The following TRIM29 variants were observed in gnomAD, a reference collection of about 807,000 sequenced individuals.
TRIM29 encodes the protein tripartite motif-containing protein 29.
A neutral mutation model predicts 57.3 loss-of-function variants in TRIM29; 52 were observed. The observed-to-expected ratio is 0.91, with a 90% CI of 0.73 to 1.14. The LOEUF (loss-of-function observed/expected upper bound fraction) is 1.14. TRIM29 is among the 50% of genes most tolerant of loss of function. The probability of loss-of-function intolerance (pLI) is 0.00; values close to 1 mark genes in which losing one functional copy is unlikely to be tolerated. For synonymous variants in TRIM29, 319 were observed against 316.9 expected, an observed-to-expected ratio of 1.01 and a Z score of -0.07; for missense variants, 753 against 774.6, an observed-to-expected ratio of 0.97 and a Z score of 0.33.
chr11:120,120,963 G>A (rs1863430310), intron 5 of TRIM29: 7 of 452,672 alleles, frequency 1.5e-5, no homozygotes, highest in Middle Eastern at 6.6e-4. Flanking sequence ...CCTCCTGGAA[G>A]TGGCCTAATG....
chr11:120,126,044 G>T, intron 3 of TRIM29, 155 bp from the exon 4 acceptor site: 3 of 771,866 alleles, frequency 3.9e-6, no homozygotes, highest in East Asian at 2.7e-5. Context: ...ACATGAAAAG[G>T]TTCAACTAAA....
chr11:120,123,658 G>C, intron 4 of TRIM29: 1 of 352,628 alleles, frequency 2.8e-6, no homozygotes, highest in Non-Finnish European at 5.6e-6. Flanking sequence ...TCTGCTGCTC[G>C]ACACTTGACT....
rs371944006 is a variant in TRIM29, at chr11:120,137,569, G to A, written c.463C>T (p.Arg155Trp). ...PGETRRNSYP[R>W]ADTGLFSRSK... ...CGTGAAAAAAGGCCCGTGTCGGCCCGGGGGTAGCTGTTCCGCCGGGTCTCC... is the reference window on the plus strand; with the variant it reads ...CGTGAAAAAAGGCCCGTGTCGGCCCAGGGGTAGCTGTTCCGCCGGGTCTCC... The change falls in exon 1 of 9, where the codon CGG (arginine) becomes TGG (tryptophan). Residue 155 changes from arginine to tryptophan, a missense_variant. Arg to Trp is a moderately radical substitution (Grantham distance 101). Transcript: ENST00000341846. This position sits in a 1 kb window ranked among gnomAD's most constrained non-coding sequence, Gnocchi z 6.2. 99 of 1,611,956 alleles carry A rather than the reference G, an allele frequency of 6.1e-5. No individual in the cohort carries two copies. The highest frequency in any genetic ancestry group is 9.3e-5 in the African/African-American group (7 of 74,908).
intron 7 of TRIM29, 28 bp downstream of exon 7, chr11:120,118,195 A>C: frequency 6.2e-7 from 1 of 1,601,730 alleles, no homozygotes; most frequent in Non-Finnish European, 8.5e-7. Flanking sequence ...CTGTGGAGGA[A>C]AGCAGGGGCC....
intron 7 of TRIM29, chr11:120,117,919 G>C (rs950663006): frequency 5.1e-5 from 20 of 392,380 alleles, no homozygotes; most frequent in Non-Finnish European, 7.0e-5. Context: ...GAGGATCAGA[G>C]AGGTCGAGTG....
intron 1 of TRIM29, among the ~76,000 whole-genome samples, chr11:120,136,767 A>G (rs1863821385): frequency 6.8e-6 from 1 of 147,398 alleles, no homozygotes; most frequent in South Asian, 2.2e-4. Flanking sequence ...CTCAGGTTGG[A>G]GGAATTATCT....
Position 120,137,365 on chromosome 11 carries a change from G to C in TRIM29, c.667C>G (p.Arg223Gly). 6.2e-7 allele frequency: 1 copy of C among 1,613,756 alleles called. No individual in the cohort carries two copies. Among genetic ancestry groups the C allele is most frequent in the Non-Finnish European group, 8.5e-7 (1 of 1,180,022 alleles). The stretch of plus-strand genomic sequence containing the variant: ...GTCTTGCCATGCACGGGACACTTGC[G>C]GGCCTCAAAGTCCCGGATGGGCTCG... ...LLEPIRDFEA[R>G]KCPVHGKTME... The change falls in exon 1 of 9, where the codon CGC becomes GGC. Residue 223 changes from arginine to glycine, a missense_variant. Transcript: ENST00000341846. The surrounding 1 kb of genome is among the most constrained non-coding windows in gnomAD (Gnocchi z 6.2).
rs1426450699 is a variant in TRIM29, at chr11:120,117,719, C to T, written c.1627+504G>A. On this transcript the variant is annotated intron_variant, in intron 7 of 8. Coordinates refer to ENST00000341846, the MANE Select transcript of TRIM29 (RefSeq NM_012101.4). ...GAGTGCTGGGAGCACCACAGGCAGGCGGGGGACAGAGTGCAGGAAAAGAGG... is the reference window on the plus strand; with the variant it reads ...GAGTGCTGGGAGCACCACAGGCAGGTGGGGGACAGAGTGCAGGAAAAGAGG... 9 of 165,658 alleles carry T rather than the reference C, an allele frequency of 5.4e-5. 1 individual carries two copies. The highest frequency in any genetic ancestry group is 7.9e-5 in the Non-Finnish European group (6 of 76,130). 10.3% of individuals were successfully genotyped at this position (165,658 alleles called of 1,614,324 possible).
intron 1 of TRIM29, among the ~76,000 whole-genome samples, chr11:120,133,042 C>A (rs1475535505): frequency 6.6e-6 from 1 of 152,164 alleles, no homozygotes; most frequent in Non-Finnish European, 1.5e-5. Flanking sequence ...GGGACGCAGG[C>A]ACAGTGGGAA....
intron 8 of TRIM29, among the ~76,000 whole-genome samples, chr11:120,114,474 T>G (rs528182243): frequency 6.6e-6 from 1 of 152,160 alleles, no homozygotes; most frequent in African/African-American, 2.4e-5. Context: ...GACCTCCAAT[T>G]GCAAGGACAG....
At chr11:120,120,887 A>T (rs1239730976) in intron 5 of TRIM29, 14 of 645,916 alleles carry the variant, frequency 2.2e-5, no homozygotes, top group African/African-American at 2.1e-4. Context: ...CATCAGCATA[A>T]ACTTGGAGAG....
intron 4 of TRIM29, 173 bp downstream of exon 4, chr11:120,125,518 G>A: frequency 1.5e-6 from 1 of 656,904 alleles, no homozygotes; most frequent in Middle Eastern, 4.2e-4. Flanking sequence ...GTTCAAAGGA[G>A]GAGGAGGGTT....
intron 4 of TRIM29, chr11:120,123,680 C>T (rs1863516335): frequency 2.8e-6 from 1 of 351,010 alleles, no homozygotes; most frequent in Non-Finnish European, 5.6e-6. Flanking sequence ...CCCTCAGCCA[C>T]CTCCACCCCA....
rs1054228256 is a variant in TRIM29 at position 120,125,821 on chromosome 11, C to A, written c.1203G>T (p.Glu401Asp). ...CTAGTGACTGTCCCAGGCCCTCCCC[C>A]TCCAGCAGGACATGATAGGTGGGCA... is the stretch of plus-strand genomic sequence containing the variant. Reference protein sequence around the residue: ...PPLPTYHVLLEGEGLGQSLGN... With the variant: ...PPLPTYHVLLDGEGLGQSLGN... Residue 401 changes from glutamate (E) to aspartate (D), a missense_variant, in exon 4 of 9, where the codon GAG (glutamate) becomes GAT (aspartate). Transcript: ENST00000341846. The A allele has an allele frequency of 2.5e-6, 4 of 1,614,082 alleles. No individual in the cohort carries two copies. Among genetic ancestry groups the A allele is most frequent in the Admixed American group, 3.3e-5 (2 of 60,000 alleles).
At chr11:120,112,573 A>T in intron 8 of TRIM29, 97 bp from the exon 9 acceptor site, 1 of 1,327,070 alleles carries the variant, frequency 7.5e-7, no homozygotes. Flanking sequence ...GGCAGCAGTG[A>T]TCCAAGACCC....
At chr11:120,123,545 G>A in intron 4 of TRIM29, 1 of 434,070 alleles carries the variant, frequency 2.3e-6, no homozygotes, top group South Asian at 1.7e-5. Flanking sequence ...TAAGGTGAGG[G>A]GATGAGGTCC....
Position 120,137,841 on chromosome 11 carries a change from T to C in TRIM29, c.191A>G (p.Glu64Gly), listed in dbSNP as rs747546879. ...KSLGSALKPG[E>G]GRSALFAGNE... is the part of the protein sequence containing the mutation. Reference sequence around the variant, plus strand: ...GCCCGCGAACAGGGCGCTCCTACCTTCCCCTGGCTTCAGGGCGCTGCCCAG... The same window carrying C: ...GCCCGCGAACAGGGCGCTCCTACCTCCCCCTGGCTTCAGGGCGCTGCCCAG... The change falls in exon 1 of 9, where the codon GAA (glutamate) becomes GGA (glycine). Residue 64 changes from glutamate to glycine, a missense_variant. Physicochemically the swap from Glu to Gly is moderately conservative, Grantham distance 98. Coordinates refer to ENST00000341846, the MANE Select transcript of TRIM29 (RefSeq NM_012101.4). The surrounding 1 kb of genome is among the most constrained non-coding windows in gnomAD (Gnocchi z 6.2). The C allele has an allele frequency of 6.2e-7, 1 of 1,612,014 alleles. No homozygotes were observed. The highest frequency in any genetic ancestry group is 8.5e-7 in the Non-Finnish European group (1 of 1,180,008).
intron 1 of TRIM29, among the ~76,000 whole-genome samples, chr11:120,133,768 T>G (rs1156929694): frequency 6.6e-6 from 1 of 152,144 alleles, no homozygotes; most frequent in African/African-American, 2.4e-5. Context: ...GAATTGGGAA[T>G]GAGACGAGAA....
At chr11:120,121,932 G>T (rs939639238) in intron 5 of TRIM29, 4 of 448,300 alleles carry the variant, frequency 8.9e-6, no homozygotes, top group African/African-American at 6.1e-5. Context: ...CCCAGAACTT[G>T]CCCAAAGGCA....
Sources: gnomAD v4.1 joint callset for allele counts (sites outside exome capture counted in the v4.1 genomes callset) on GRCh38, gnomAD v4.1.1 for gene constraint, Gnocchi (gnomAD v3.1) non-coding constraint, MANE v1.5 for transcripts, NCBI Gene and HGNC (gene_info 2026-07-23, HGNC 2026-07-21) for gene names.